Variants in ALK observed in about 807,000 individuals in gnomAD.
The protein encoded by ALK is ALK tyrosine kinase receptor.
In ALK, 74 loss-of-function variants were observed where a neutral mutation model predicts 163.1. The observed-to-expected ratio is 0.45, with a 90% CI of 0.38 to 0.55. The LOEUF is 0.55. ALK is among the 20% of genes least tolerant of loss of function. ALK has a pLI of 0.00. For missense variants in ALK, 2,063 were observed against 2,105.3 expected, an observed-to-expected ratio of 0.98 and a Z score of 0.39; for synonymous variants, 960 against 843.2, an observed-to-expected ratio of 1.14 and a Z score of -2.40.
At chr2:29,666,814 A>G (rs1260717150) in intron 3 of ALK, among the ~76,000 whole-genome samples, 1 of 151,962 alleles carries the variant, frequency 6.6e-6, no homozygotes, top group African/African-American at 2.4e-5. Flanking sequence ...GTTTCTATAT[A>G]TGTATATATT....
chr2:29,606,268 G>A (rs1675539850), intron 3 of ALK, among the ~76,000 whole-genome samples: 1 of 152,318 alleles, frequency 6.6e-6, no homozygotes, highest in South Asian at 2.1e-4. Context: ...TACTGGATAA[G>A]CCACAATCTG....
chr2:29,723,689 T>C (rs1435663309), intron 1 of ALK, among the ~76,000 whole-genome samples: 2 of 152,358 alleles, frequency 1.3e-5, no homozygotes, highest in Non-Finnish European at 2.9e-5. Context: ...ATAGGGCATA[T>C]TCTAAAAATT....
chr2:29,497,826 G>A (rs1165390545), intron 4 of ALK, among the ~76,000 whole-genome samples: 2 of 152,252 alleles, frequency 1.3e-5, no homozygotes, highest in East Asian at 1.9e-4. Flanking sequence ...TTCTTCATAT[G>A]AGGCTAAGAA....
At chr2:29,645,661 G>A (rs1336191878) in intron 3 of ALK, among the ~76,000 whole-genome samples, 1 of 152,042 alleles carries the variant, frequency 6.6e-6, no homozygotes, top group Non-Finnish European at 1.5e-5. Context: ...GCCATCCTGT[G>A]CCACCACTGC....
In ALK at chr2:29,616,339, A is replaced by G. The variant is rs548726741; in HGVS notation, c.952+78511T>C. 2.0e-5 allele frequency among the ~76,000 whole-genome samples: 3 copies of G among 152,310 alleles called. No individual in the cohort carries two copies. In the South Asian group the frequency reaches 6.2e-4, roughly 32 times the overall value. Reference sequence around the variant, plus strand: ...GCAGTGAATAAAGAGAGGGGAGGAAAAGGGCAGAGCCACCAGACGTGTTTG... The same window carrying G: ...GCAGTGAATAAAGAGAGGGGAGGAAGAGGGCAGAGCCACCAGACGTGTTTG... On this transcript the variant is annotated intron_variant, in intron 3 of 28. Transcript: ENST00000389048.
At position 29,193,511 on chromosome 2, in the gene ALK, C is replaced by G. The variant is rs1558603565; in HGVS notation, c.4576G>C (p.Glu1526Gln). Reference sequence around the variant, plus strand: ...CCCAGGTTACCCCTGTCGTGTGGCTCCTTCTTTGCTATAGGATTATTCTTT... The same window carrying G: ...CCCAGGTTACCCCTGTCGTGTGGCTGCTTCTTTGCTATAGGATTATTCTTT... Reference protein sequence around the residue: ...TKKNNPIAKKEPHDRGNLGLE... With the variant: ...TKKNNPIAKKQPHDRGNLGLE... Residue 1526 changes from glutamate to glutamine, a missense_variant, in exon 29 of 29, where the codon GAG (glutamate) becomes CAG (glutamine). Physicochemically the swap from Glu to Gln is conservative, Grantham distance 29. Transcript: ENST00000389048. 3 of 1,614,030 alleles carry G rather than the reference C, an allele frequency of 1.9e-6. No homozygotes were observed. The highest frequency in any genetic ancestry group is 2.7e-5 in the African/African-American group (2 of 74,906).
intron 4 of ALK, among the ~76,000 whole-genome samples, chr2:29,500,171 A>G (rs1283846028): frequency 6.6e-6 from 1 of 152,152 alleles, no homozygotes; most frequent in Non-Finnish European, 1.5e-5. Context: ...GTGGAATTGT[A>G]ATACCCAGTG....
At chr2:29,678,031 A>T (rs978479817) in intron 3 of ALK, among the ~76,000 whole-genome samples, 2 of 151,976 alleles carry the variant, frequency 1.3e-5, no homozygotes, top group African/African-American at 4.8e-5. Flanking sequence ...TGTCTCTAGA[A>T]ATCTGTCCCT....
chr2:29,813,776 G>A (rs770998202), intron 1 of ALK, among the ~76,000 whole-genome samples: 10 of 152,062 alleles, frequency 6.6e-5, no homozygotes, highest in South Asian at 2.1e-4. Flanking sequence ...GTGGAACCCC[G>A]TAACTCACAA....
intron 1 of ALK, among the ~76,000 whole-genome samples, chr2:29,731,008 G>A (rs546353383): frequency 1.2e-4 from 19 of 152,270 alleles, no homozygotes; most frequent in African/African-American, 3.9e-4. Context: ...AGTGCTTGTC[G>A]CCAACACTGT....
At chr2:29,854,133 C>T (rs894094266) in intron 1 of ALK, among the ~76,000 whole-genome samples, 8 of 152,098 alleles carry the variant, frequency 5.3e-5, no homozygotes, top group Non-Finnish European at 7.4e-5. Context: ...CTTTCTCGCA[C>T]GTCATTGATC....
intron 4 of ALK, among the ~76,000 whole-genome samples, chr2:29,398,137 G>C (rs1669355925): frequency 6.6e-6 from 1 of 152,210 alleles, no homozygotes; most frequent in Admixed American, 6.5e-5. Flanking sequence ...GAGCCAGAAA[G>C]ATGGGGGCTA....
chr2:29,750,696 G>GC (rs1366677779), intron 1 of ALK, among the ~76,000 whole-genome samples: 1,538 of 136,234 alleles, frequency 0.011, 14 homozygotes, highest in East Asian at 0.037. Flanking sequence ...AGGAAGGAAG[G>GC]AAGGCAGGCA....
intron 4 of ALK, among the ~76,000 whole-genome samples, chr2:29,504,133 C>T (rs1295637906): frequency 1.3e-5 from 2 of 152,002 alleles, no homozygotes; most frequent in African/African-American, 4.8e-5. Flanking sequence ...GGTGGTTTTC[C>T]AGCTGAGCTC....
At chr2:29,495,234 G>T (rs1671996394) in intron 4 of ALK, among the ~76,000 whole-genome samples, 1 of 152,138 alleles carries the variant, frequency 6.6e-6, no homozygotes, top group African/African-American at 2.4e-5. Context: ...GAGGCTGAAG[G>T]GGATGAAGTG....
chr2:29,680,208 C>A (rs1678021287), intron 3 of ALK, among the ~76,000 whole-genome samples: 1 of 151,870 alleles, frequency 6.6e-6, no homozygotes, highest in African/African-American at 2.4e-5. Context: ...CTTGGATGTG[C>A]AAATTGATTT....
intron 1 of ALK, among the ~76,000 whole-genome samples, chr2:29,772,008 G>A (rs1681043286): frequency 6.6e-6 from 1 of 152,198 alleles, no homozygotes. Flanking sequence ...AAAAGACAGA[G>A]GTCTAACCCA....
chr2:29,318,760 G>T (rs1413972492), intron 7 of ALK, among the ~76,000 whole-genome samples: 2 of 152,044 alleles, frequency 1.3e-5, no homozygotes, highest in Non-Finnish European at 1.5e-5. Context: ...TAGAGACGGG[G>T]TTTCACTGTG....
At chr2:29,569,984 G>C (rs1220663374) in intron 3 of ALK, among the ~76,000 whole-genome samples, 1 of 152,136 alleles carries the variant, frequency 6.6e-6, no homozygotes, top group East Asian at 1.9e-4. Flanking sequence ...GATAAGAAAT[G>C]ATAAGAAATG....
Sources: gnomAD v4.1 joint callset for allele counts (sites outside exome capture counted in the v4.1 genomes callset) on GRCh38, gnomAD v4.1.1 for gene constraint, MANE v1.5 for transcripts, NCBI Gene and HGNC (gene_info 2026-07-23, HGNC 2026-07-21) for gene names.